ARHGEF12: variants seen among roughly 807,000 people sequenced by gnomAD.
ARHGEF12 encodes the protein Rho guanine nucleotide exchange factor 12, also known as KMT2A/ARHGEF12 fusion protein.
ARHGEF12 carries 66 observed loss-of-function variants against 211.2 expected under a neutral mutation model. That is an observed-to-expected ratio of 0.31 (90% CI 0.26 to 0.38). The LOEUF (loss-of-function observed/expected upper bound fraction) is 0.38, where lower values mean the gene tolerates loss of function less well. Ranked by LOEUF, ARHGEF12 falls within the 10% of genes least tolerant of loss-of-function variation. The pLI is 1.00. For missense variants in ARHGEF12, 1,429 were observed against 1,869.5 expected (o/e 0.76, Z 4.34); for synonymous variants, 592 against 638.4 (o/e 0.93, Z 1.09).
At chr11:120,351,433 ATATATATATATATATATATATATTTT>A (rs1565420622) in intron 1 of ARHGEF12, among the ~76,000 whole-genome samples, 11 of 3,718 alleles carry the variant, frequency 3.0e-3, no homozygotes, top group African/African-American at 3.3e-3. Flanking sequence ...ATATATATAT[ATATATATATATATATATATATATTTT>A]TTTTTTTTTT....
chr11:120,443,892 A>G (rs2135797913), intron 15 of ARHGEF12, among the ~76,000 whole-genome samples: 1 of 152,348 alleles, frequency 6.6e-6, no homozygotes, highest in East Asian at 1.9e-4. Context: ...CTAGAGATTT[A>G]AAGTATACAG....
intron 1 of ARHGEF12, among the ~76,000 whole-genome samples, chr11:120,392,071 G>A (rs1944236217): frequency 6.6e-6 from 1 of 152,092 alleles, no homozygotes. Flanking sequence ...TCTTACATTA[G>A]CTGGCCCCTG....
intron 1 of ARHGEF12, among the ~76,000 whole-genome samples, chr11:120,344,258 T>C (rs1942626095): frequency 1.1e-5 from 1 of 87,580 alleles, no homozygotes; most frequent in Non-Finnish European, 1.9e-5. Context: ...AGAGCAAGAC[T>C]CCGTCTCAAA....
In ARHGEF12 at chr11:120,421,658, G is replaced by A. The variant is rs1945195086; in HGVS notation, c.299-145G>A. 14 of 680,270 alleles carry A rather than the reference G, an allele frequency of 2.1e-5. No individual in the cohort carries two copies. In the South Asian group the frequency reaches 2.1e-4, roughly 10 times the overall value. 42.1% of individuals were successfully genotyped at this position (680,270 alleles called of 1,614,324 possible). Reference sequence around the variant, plus strand: ...TTACCATGTTGGCCAGGATGGTCTCGATCTCTTGACCTCGTGATCCGCCCG... The same window carrying A: ...TTACCATGTTGGCCAGGATGGTCTCAATCTCTTGACCTCGTGATCCGCCCG... On this transcript the variant is annotated intron_variant, in intron 5 of 40. Coordinates refer to ENST00000397843, the MANE Select transcript of ARHGEF12 (RefSeq NM_015313.3).
Position 120,379,871 on chromosome 11 carries a change from G to T in ARHGEF12, c.33-26247G>T, listed in dbSNP as rs1429888291. Reference sequence around the variant, plus strand: ...GATAGATTTGGTTTACTAATATTTTGATGATTGTTCTTGTTCCTTTGTTCC... The same window carrying T: ...GATAGATTTGGTTTACTAATATTTTTATGATTGTTCTTGTTCCTTTGTTCC... On this transcript the variant is annotated intron_variant, in intron 1 of 40. Transcript: ENST00000397843. Among the ~76,000 whole-genome samples the T allele has an allele frequency of 2.0e-5, 3 of 152,034 alleles. No homozygotes were observed. The East Asian group carries it at 5.8e-4, about 29-fold the overall frequency.
chr11:120,383,904 T>C (rs1364803340), intron 1 of ARHGEF12, among the ~76,000 whole-genome samples: 2 of 152,130 alleles, frequency 1.3e-5, no homozygotes, highest in African/African-American at 4.8e-5. Context: ...TTTGGTGATC[T>C]AGGATGATAG....
At chr11:120,416,831 T>C (rs1945041846) in intron 4 of ARHGEF12, among the ~76,000 whole-genome samples, 1 of 152,134 alleles carries the variant, frequency 6.6e-6, no homozygotes, top group African/African-American at 2.4e-5. Flanking sequence ...TTTGTATTTT[T>C]AGTAGGGACA....
At chr11:120,468,273 G>A (rs1341240420) in intron 29 of ARHGEF12, among the ~76,000 whole-genome samples, 1 of 152,166 alleles carries the variant, frequency 6.6e-6, no homozygotes, top group African/African-American at 2.4e-5. Context: ...TTAAATTATG[G>A]TACCTGGTAA....
At chr11:120,406,261 A>G in intron 2 of ARHGEF12, 120 bp downstream of exon 2, 1 of 600,890 alleles carries the variant, frequency 1.7e-6, no homozygotes. Context: ...GTAATTCAAA[A>G]TTTCAAAATG....
At chr11:120,344,616 A>T (rs984257813) in intron 1 of ARHGEF12, among the ~76,000 whole-genome samples, 6 of 152,210 alleles carry the variant, frequency 3.9e-5, no homozygotes, top group African/African-American at 1.2e-4. Flanking sequence ...TTCCTGTTTT[A>T]TTGGCTGTTT....
At chr11:120,477,419 GTTT>G (rs371114939) in intron 35 of ARHGEF12, 25 bp from the exon 36 acceptor site, 1,932 of 1,241,300 alleles carry the variant, frequency 1.6e-3, no homozygotes, top group Middle Eastern at 2.7e-3. Context: ...GAAGGTAAAA[GTTT>G]TTTTTTTTTT....
intron 22 of ARHGEF12, among the ~76,000 whole-genome samples, chr11:120,454,104 A>C (rs535895825): frequency 2.0e-5 from 3 of 152,278 alleles, no homozygotes; most frequent in East Asian, 3.9e-4. Context: ...AAAGCCTGAC[A>C]CTAGGCATGC....
intron 5 of ARHGEF12, among the ~76,000 whole-genome samples, chr11:120,421,469 C>T (rs1200126133): frequency 7.5e-6 from 1 of 134,080 alleles, no homozygotes; most frequent in Non-Finnish European, 1.5e-5. Flanking sequence ...GATGGAGTCT[C>T]CCTCTGTCAC....
intron 1 of ARHGEF12, among the ~76,000 whole-genome samples, chr11:120,365,084 G>T (rs1471520329): frequency 6.6e-6 from 1 of 152,036 alleles, no homozygotes. Context: ...ACTGAACCTG[G>T]CATGTACTAC....
intron 30 of ARHGEF12, among the ~76,000 whole-genome samples, chr11:120,469,959 G>A (rs535567093): frequency 2.0e-5 from 3 of 152,326 alleles, no homozygotes; most frequent in African/African-American, 7.2e-5. Context: ...CAACCCTAGA[G>A]GTAGAGGCAA....
chr11:120,468,507 G>T (rs1375283106), intron 29 of ARHGEF12, among the ~76,000 whole-genome samples: 1 of 152,142 alleles, frequency 6.6e-6, no homozygotes, highest in South Asian at 2.1e-4. Context: ...GGAGTGAAGT[G>T]GCACAATCTC....
chr11:120,479,220 G>A lies in ARHGEF12; in HGVS notation c.3767-740G>A, dbSNP rs115630405. Among the ~76,000 whole-genome samples the A allele has an allele frequency of 7.0e-3, 1,070 of 152,324 alleles. 17 individuals are homozygous for A. The highest frequency in any genetic ancestry group is 0.024 in the African/African-American group (1,009 of 41,574). ...GACTTCCTGGCATCTCTCAGGAAGTGATTGTAGAGCAGAAGGACAGAGGAT... is the reference window on the plus strand; with the variant it reads ...GACTTCCTGGCATCTCTCAGGAAGTAATTGTAGAGCAGAAGGACAGAGGAT... On this transcript the variant is annotated intron_variant, in intron 37 of 40. Coordinates refer to ENST00000397843, the MANE Select transcript of ARHGEF12 (RefSeq NM_015313.3).
At chr11:120,445,140 A>G (rs1253958437) in intron 15 of ARHGEF12, among the ~76,000 whole-genome samples, 2 of 152,218 alleles carry the variant, frequency 1.3e-5, no homozygotes, top group Non-Finnish European at 2.9e-5. Context: ...CCAAAGCCAA[A>G]GCCAGTATAT....
At chr11:120,347,812 TG>T (rs1284873759) in intron 1 of ARHGEF12, among the ~76,000 whole-genome samples, 1 of 152,118 alleles carries the variant, frequency 6.6e-6, no homozygotes, top group Non-Finnish European at 1.5e-5. Context: ...ATTCTTTTTT[TG>T]GGGGGATTGT....
Sources: allele counts gnomAD v4.1 joint callset (sites outside exome capture counted in the v4.1 genomes callset), GRCh38; gene constraint gnomAD v4.1.1; transcripts MANE v1.5; gene names NCBI Gene and HGNC (gene_info 2026-07-23, HGNC 2026-07-21).